Variants in SUGCT observed in about 807,000 individuals in gnomAD.
The protein encoded by SUGCT is succinyl-CoA:glutarate-CoA transferase.
In SUGCT, 41 loss-of-function variants were observed where a neutral mutation model predicts 55.0. The observed-to-expected ratio is 0.74, with a 90% confidence interval of 0.58 to 0.97. The LOEUF (loss-of-function observed/expected upper bound fraction) is 0.97, where lower values mean the gene tolerates loss of function less well. SUGCT is among the 50% of genes least tolerant of loss of function. The pLI, the probability that SUGCT is intolerant of heterozygous loss-of-function variation, is 0.00. For synonymous variants in SUGCT, 187 were observed against 200.4 expected, an observed-to-expected ratio of 0.93 and a Z score of 0.56; for missense variants, 568 against 547.8, an observed-to-expected ratio of 1.04 and a Z score of -0.37.
At chr7:40,951,963 T>A in the SUGCT span, among the ~76,000 whole-genome samples, 2 of 152,216 alleles carry the variant, frequency 1.3e-5, no homozygotes, top group Non-Finnish European at 2.9e-5. Flanking sequence ...TAGATTTCTT[T>A]TAGGTCCGCT....
intron 9 of SUGCT, among the ~76,000 whole-genome samples, chr7:40,428,234 C>T (rs1037139043): frequency 2.6e-5 from 4 of 152,274 alleles, no homozygotes; most frequent in African/African-American, 9.6e-5. Flanking sequence ...TTCCTTTCTT[C>T]ATCCATTCAC....
chr7:40,210,667 G>T (rs557435863), intron 6 of SUGCT, among the ~76,000 whole-genome samples: 1 of 152,252 alleles, frequency 6.6e-6, no homozygotes, highest in Non-Finnish European at 1.5e-5. Context: ...AGGGGAAGGG[G>T]TTCTTATTCC....
intron 13 of SUGCT, among the ~76,000 whole-genome samples, chr7:40,770,785 C>T (rs1349578544): frequency 6.6e-6 from 1 of 152,108 alleles, no homozygotes; most frequent in Non-Finnish European, 1.5e-5. Flanking sequence ...TCTAGGAAGA[C>T]TTTTTCCTAA....
At chr7:40,639,357 A>T (rs1305984576) in intron 12 of SUGCT, among the ~76,000 whole-genome samples, 1 of 152,204 alleles carries the variant, frequency 6.6e-6, no homozygotes. Flanking sequence ...GAAATGCCAC[A>T]ATATCTCACA....
At position 40,258,846 on chromosome 7, in the gene SUGCT, G is replaced by A. The variant is rs546222753; in HGVS notation, c.577-15667G>A. 1.2e-4 allele frequency among the ~76,000 whole-genome samples: 18 copies of A among 152,254 alleles called. No homozygotes were observed. The South Asian group carries it at 2.7e-3, about 23-fold the overall frequency. On this transcript the variant is annotated intron_variant, in intron 7 of 13. Transcript: ENST00000335693. ...CCCACCAATGGGCATATACTCAAGC[G>A]AAATGAAATCAGTAATGTGGAAGAG...
the SUGCT span, among the ~76,000 whole-genome samples, chr7:40,907,729 G>T: frequency 6.6e-6 from 1 of 152,126 alleles, no homozygotes; most frequent in Admixed American, 6.5e-5. Context: ...TGTTAATTCT[G>T]GAGGGATCTT....
chr7:40,421,754 A>G (rs1477353464), intron 9 of SUGCT, among the ~76,000 whole-genome samples: 1 of 152,142 alleles, frequency 6.6e-6, no homozygotes, highest in Non-Finnish European at 1.5e-5. Flanking sequence ...GTGGTAAAAA[A>G]ATGCTTCCTT....
At chr7:40,980,115 G>A in the SUGCT span, among the ~76,000 whole-genome samples, 1 of 152,186 alleles carries the variant, frequency 6.6e-6, no homozygotes, top group Non-Finnish European at 1.5e-5. Context: ...AAATTGCTGT[G>A]TCCTTACATG....
chr7:40,388,343 G>A (rs1333180721), intron 9 of SUGCT, among the ~76,000 whole-genome samples: 3 of 152,114 alleles, frequency 2.0e-5, no homozygotes, highest in African/African-American at 7.2e-5. Context: ...ATAATATAAT[G>A]AGGAAATTTT....
At chr7:40,834,881 G>T (rs1162310586) in intron 13 of SUGCT, among the ~76,000 whole-genome samples, 1 of 152,120 alleles carries the variant, frequency 6.6e-6, no homozygotes, top group Non-Finnish European at 1.5e-5. Flanking sequence ...ATAGTATTCG[G>T]GGTCTTCTCC....
intron 12 of SUGCT, among the ~76,000 whole-genome samples, chr7:40,525,347 T>A (rs953041783): frequency 6.6e-6 from 1 of 152,094 alleles, no homozygotes. Context: ...GGAGATAAAG[T>A]TGTAGCCAAG....
intron 12 of SUGCT, among the ~76,000 whole-genome samples, chr7:40,554,561 A>G (rs1795462635): frequency 6.6e-6 from 1 of 152,206 alleles, no homozygotes; most frequent in Admixed American, 6.5e-5. Flanking sequence ...TTAATGACCA[A>G]TGTCTTGAGG....
At chr7:40,891,524 A>G in the SUGCT span, among the ~76,000 whole-genome samples, 1 of 152,220 alleles carries the variant, frequency 6.6e-6, no homozygotes, top group Non-Finnish European at 1.5e-5. Flanking sequence ...ACTGAAAGAA[A>G]AAAAGAACAA....
At chr7:40,636,252 C>T (rs1454187722) in intron 12 of SUGCT, among the ~76,000 whole-genome samples, 1 of 152,182 alleles carries the variant, frequency 6.6e-6, no homozygotes, top group Non-Finnish European at 1.5e-5. Context: ...CCTCACATGA[C>T]TAGTGGTTGA....
intron 12 of SUGCT, among the ~76,000 whole-genome samples, chr7:40,582,382 A>G (rs1202057612): frequency 6.6e-6 from 1 of 152,144 alleles, no homozygotes; most frequent in Non-Finnish European, 1.5e-5. Flanking sequence ...TTTGAATTCC[A>G]TTATTATTTC....
chr7:40,324,989 A>G (rs10256660), intron 9 of SUGCT, among the ~76,000 whole-genome samples: 105,534 of 152,082 alleles, frequency 0.69, 36,942 homozygotes, highest in East Asian at 0.99. Context: ...CCTTGTTCCA[A>G]TTTGGGCTTA....
intron 12 of SUGCT, among the ~76,000 whole-genome samples, chr7:40,700,629 G>A (rs966815621): frequency 1.3e-5 from 2 of 152,194 alleles, no homozygotes; most frequent in African/African-American, 4.8e-5. Flanking sequence ...GGAAAATGAA[G>A]AAACATATTT....
intron 12 of SUGCT, among the ~76,000 whole-genome samples, chr7:40,645,445 T>G (rs1480981696): frequency 1.3e-5 from 2 of 152,180 alleles, no homozygotes; most frequent in Non-Finnish European, 2.9e-5. Context: ...GCCTCTCTTG[T>G]GTACTCCTCA....
At chr7:40,354,239 G>A (rs1305560018) in intron 9 of SUGCT, among the ~76,000 whole-genome samples, 1 of 152,112 alleles carries the variant, frequency 6.6e-6, no homozygotes, top group African/African-American at 2.4e-5. Flanking sequence ...TATTGGTTGC[G>A]GGGCAGTAGA....
Sources: gnomAD v4.1 joint callset for allele counts (sites outside exome capture counted in the v4.1 genomes callset) on GRCh38, gnomAD v4.1.1 for gene constraint, MANE v1.5 for transcripts, NCBI Gene and HGNC (gene_info 2026-07-23, HGNC 2026-07-21) for gene names.